Variants in IGF2R observed in about 807,000 individuals in gnomAD.
IGF2R encodes the protein insulin like growth factor 2 receptor, also known as cation-independent mannose-6-phosphate receptor.
A neutral mutation model predicts 270.6 loss-of-function variants in IGF2R; 91 were observed. That is an observed-to-expected ratio of 0.34 (90% CI 0.28 to 0.40). The LOEUF is 0.40. IGF2R is among the 10% of genes least tolerant of loss of function. IGF2R has a pLI of 1.00. For missense variants in IGF2R, 2,805 were observed against 3,188.3 expected (o/e 0.88, Z 2.90); for synonymous variants, 1,316 against 1,258.9 (o/e 1.05, Z -0.96).
At chr6:160,072,700 A>C in intron 32 of IGF2R, 65 bp from the exon 33 acceptor site, 2 of 1,595,668 alleles carry the variant, frequency 1.3e-6, no homozygotes, top group Non-Finnish European at 1.7e-6. Context: ...GAGCTCGCCG[A>C]TGATGAGCCT....
At position 160,029,668 on chromosome 6, in the gene IGF2R, T is replaced by C. The variant is rs1178490777; in HGVS notation, c.882+13T>C. ...GGAGCGGAGAGAGGTAAGTGACTCG[T>C]CTCCTGATCACTAATGTGGCGCACA... On this transcript the variant is annotated intron_variant, in intron 7 of 47. Coordinates refer to ENST00000356956, the MANE Select transcript of IGF2R (RefSeq NM_000876.4). 1 of 1,570,356 alleles carries C rather than the reference T, an allele frequency of 6.4e-7. No homozygotes were observed. The highest frequency in any genetic ancestry group is 1.1e-5 in the South Asian group (1 of 90,116).
Position 160,048,468 on chromosome 6 carries a change from G to T in IGF2R, c.2439G>T (p.Val813=). ...CGTGGAGGAAATACTACATTAACGT[G>T]TGTCGGCCTCTGAATCCAGTGCCGG... is the stretch of plus-strand genomic sequence containing the variant. ...HVTWRKYYIN[V]CRPLNPVPGC... Residue 813 remains valine, a synonymous_variant, in exon 18 of 48, where the codon GTG becomes GTT. Transcript: ENST00000356956. 1.9e-6 allele frequency: 3 copies of T among 1,614,272 alleles called. No individual in the cohort carries two copies. The highest frequency in any genetic ancestry group is 2.5e-6 in the Non-Finnish European group (3 of 1,180,044).
chr6:160,028,224 C>T (rs1164184126), intron 6 of IGF2R, among the ~76,000 whole-genome samples: 2 of 152,218 alleles, frequency 1.3e-5, no homozygotes, highest in Non-Finnish European at 2.9e-5. Context: ...TGGCCGTTTT[C>T]TTTCTGTGTC....
intron 26 of IGF2R, among the ~76,000 whole-genome samples, chr6:160,063,162 T>C (rs1351157345): frequency 6.6e-6 from 1 of 151,332 alleles, no homozygotes; most frequent in African/African-American, 2.4e-5. Flanking sequence ...CTCAGCCTCC[T>C]GAGTAGCTGG....
chr6:160,042,607 G>A (rs1312071481), intron 11 of IGF2R, among the ~76,000 whole-genome samples: 2 of 152,200 alleles, frequency 1.3e-5, no homozygotes, highest in Admixed American at 6.5e-5. Context: ...CACCAGTCTT[G>A]TGAGTTCAGC....
chr6:160,056,580 C>A, intron 20 of IGF2R, 55 bp downstream of exon 20: 2 of 1,150,080 alleles, frequency 1.7e-6, no homozygotes, highest in African/African-American at 1.5e-5. Flanking sequence ...ACATCCTCAA[C>A]TCACCCCAGT....
In IGF2R at chr6:160,062,054, T is replaced by C. The variant is rs1248646324; in HGVS notation, c.3582+126T>C. On this transcript the variant is annotated intron_variant, in intron 25 of 47. Transcript: ENST00000356956. The stretch of plus-strand genomic sequence containing the variant: ...GTTTTCGTGGAGTTTCAGCCATTGC[T>C]AGGGTTTGACGAGAATGCACTCATT... 2.6e-5 allele frequency: 23 copies of C among 868,020 alleles called. No homozygotes were observed. The East Asian group carries it at 6.0e-4, about 23-fold the overall frequency. 53.8% of individuals were successfully genotyped at this position (868,020 alleles called of 1,614,324 possible).
Position 160,110,173 on chromosome 6 carries a change from C to T in IGF2R, c.*5089C>T, listed in dbSNP as rs554349541. The T allele has an allele frequency of 6.6e-5, 10 of 152,242 alleles. No individual in the cohort carries two copies. In the East Asian group the frequency reaches 1.9e-3, roughly 29 times the overall value. The allele number at this position is 152,242 out of a possible 1,614,324, so 9.4% of individuals were successfully genotyped here. On this transcript the variant is annotated 3_prime_UTR_variant, in exon 48 of 48. Coordinates refer to ENST00000356956, the MANE Select transcript of IGF2R (RefSeq NM_000876.4). ...AATTCCTAGACATTTGCCTGTGTTCCCTGGGGGAGCTGGTGGCCTGTGACC... is the reference window on the plus strand; with the variant it reads ...AATTCCTAGACATTTGCCTGTGTTCTCTGGGGGAGCTGGTGGCCTGTGACC...
intron 22 of IGF2R, among the ~76,000 whole-genome samples, chr6:160,060,314 C>A (rs1055615350): frequency 9.9e-5 from 15 of 152,274 alleles, no homozygotes; most frequent in African/African-American, 3.6e-4. Context: ...GTAACACAGG[C>A]CACTGTTGCA....
intron 39 of IGF2R, among the ~76,000 whole-genome samples, chr6:160,082,948 T>G (rs1779018322): frequency 6.6e-6 from 1 of 152,148 alleles, no homozygotes; most frequent in South Asian, 2.1e-4. Flanking sequence ...TGTGGGTATT[T>G]CTAGTCGGGT....
At chr6:160,016,721 T>C (rs1017460525) in intron 4 of IGF2R, among the ~76,000 whole-genome samples, 2 of 152,260 alleles carry the variant, frequency 1.3e-5, no homozygotes, top group Non-Finnish European at 2.9e-5. Context: ...ATATTACTAC[T>C]ACAACTGATG....
rs188228545 is a variant in IGF2R at position 160,076,833 on chromosome 6, A to G, written c.5316+837A>G. Among the ~76,000 whole-genome samples, 226 of 152,370 alleles carry G rather than the reference A, an allele frequency of 1.5e-3. 2 individuals carry two copies. The highest frequency in any genetic ancestry group is 5.0e-3 in the African/African-American group (208 of 41,586). ...TGCAGAAATATTAATATGTTTGATC[A>G]CAGGATCTGGGGGTGTGAGAATTGC... On this transcript the variant is annotated intron_variant, in intron 36 of 47. Transcript: ENST00000356956.
At chr6:160,017,716 GA>G (rs533897936) in intron 4 of IGF2R, among the ~76,000 whole-genome samples, 96 of 151,904 alleles carry the variant, frequency 6.3e-4, no homozygotes, top group Admixed American at 2.2e-3. Flanking sequence ...GGTGCTTAAG[GA>G]AAAAAAATCT....
intron 1 of IGF2R, 116 bp downstream of exon 1, chr6:159,969,511 G>C: frequency 1.3e-6 from 1 of 774,254 alleles, no homozygotes; most frequent in African/African-American, 1.9e-5. Context: ...TCCGTTCCGC[G>C]CCGGGGTCCG....
At chr6:160,096,740 A>C (rs895553447) in intron 45 of IGF2R, 115 bp downstream of exon 45, 3 of 836,134 alleles carry the variant, frequency 3.6e-6, no homozygotes, top group Non-Finnish European at 5.4e-6. Context: ...CATGCACCAA[A>C]AAATAGAGAA....
chr6:160,090,845 C>G (rs555331467), intron 44 of IGF2R, among the ~76,000 whole-genome samples: 143 of 152,142 alleles, frequency 9.4e-4, no homozygotes, highest in Middle Eastern at 3.4e-3. Context: ...GCTCTGTGCC[C>G]TGGTGCTGAG....
chr6:160,078,113 T>C (rs2115280147), intron 36 of IGF2R, 88 bp from the exon 37 acceptor site: 3 of 1,337,066 alleles, frequency 2.2e-6, no homozygotes, highest in Non-Finnish European at 3.2e-6. Context: ...CTGTGGGTTA[T>C]GCACAGCCCC....
chr6:160,049,122 T>A (rs1386909625), intron 18 of IGF2R, among the ~76,000 whole-genome samples: 1 of 152,194 alleles, frequency 6.6e-6, no homozygotes, highest in Non-Finnish European at 1.5e-5. Flanking sequence ...TTTCTTGGTG[T>A]ATGCTAATGG....
chr6:159,979,412 C>G (rs775116702), intron 1 of IGF2R, among the ~76,000 whole-genome samples: 2 of 152,200 alleles, frequency 1.3e-5, no homozygotes, highest in Non-Finnish European at 2.9e-5. Flanking sequence ...CTGAGGCACC[C>G]TGCCTCCACC....
Sources: gnomAD v4.1 joint callset for allele counts (sites outside exome capture counted in the v4.1 genomes callset) on GRCh38, gnomAD v4.1.1 for gene constraint, MANE v1.5 for transcripts, NCBI Gene and HGNC (gene_info 2026-07-23, HGNC 2026-07-21) for gene names.